TET3: variants seen among roughly 807,000 people sequenced by gnomAD.
TET3 encodes tet methylcytosine dioxygenase 3.
TET3 carries 19 observed loss-of-function variants against 141.4 expected under a neutral mutation model. The observed-to-expected ratio is 0.13, with a 90% CI of 0.09 to 0.20. TET3 has a LOEUF of 0.20. Ranked by LOEUF, TET3 falls within the 10% of genes least tolerant of loss-of-function variation. The probability of loss-of-function intolerance (pLI) is 1.00; values close to 1 mark genes in which losing one functional copy is unlikely to be tolerated. For missense variants in TET3, 1,874 were observed against 2,356.9 expected, an observed-to-expected ratio of 0.80 and a Z score of 4.24; for synonymous variants, 1,043 against 980.9, an observed-to-expected ratio of 1.06 and a Z score of -1.18.
chr2:74,018,622 C>G (rs897803549), intron 3 of TET3, among the ~76,000 whole-genome samples: 1 of 152,166 alleles, frequency 6.6e-6, no homozygotes, highest in African/African-American at 2.4e-5. Flanking sequence ...AGTACTCTTA[C>G]AGTCATGGGT....
intron 6 of TET3, among the ~76,000 whole-genome samples, chr2:74,086,705 C>T (rs957659634): frequency 1.3e-5 from 2 of 148,304 alleles, no homozygotes; most frequent in African/African-American, 2.5e-5. Flanking sequence ...GTGGGAGGAT[C>T]GCTTAAGCCC....
chr2:74,039,651 A>G (rs12995468), intron 3 of TET3, among the ~76,000 whole-genome samples: 39,129 of 152,026 alleles, frequency 0.26, 5,375 homozygotes, highest in African/African-American at 0.29. Context: ...TATGTTCCTT[A>G]ATATTTAGGG....
chr2:73,994,614 T>TTTTCTTTCTTTCTTTC (rs935777591), intron 2 of TET3, among the ~76,000 whole-genome samples: 5 of 143,612 alleles, frequency 3.5e-5, no homozygotes, highest in African/African-American at 1.4e-4. Flanking sequence ...GGTCTATTTT[T>TTTTCTTTCTTTCTTTC]TTTCTTTCTT....
At chr2:74,118,384 C>T in the TET3 span, among the ~76,000 whole-genome samples, 106 of 152,200 alleles carry the variant, frequency 7.0e-4, no homozygotes, top group African/African-American at 2.4e-3. Context: ...TTCAGACAGA[C>T]GATTCATCTT....
chr2:74,020,222 T>G (rs80286777), intron 3 of TET3, among the ~76,000 whole-genome samples: 3,866 of 152,312 alleles, frequency 0.025, 160 homozygotes, highest in African/African-American at 0.087. Flanking sequence ...TCTCACTCTG[T>G]CACCAAACCT....
chr2:74,006,676 G>A (rs1448858508), intron 3 of TET3, among the ~76,000 whole-genome samples: 2 of 152,218 alleles, frequency 1.3e-5, no homozygotes, highest in Admixed American at 1.3e-4. Flanking sequence ...TGGTTTGGCT[G>A]GATGGGGGTG....
At chr2:74,010,692 A>G (rs1685383665) in intron 3 of TET3, among the ~76,000 whole-genome samples, 1 of 152,218 alleles carries the variant, frequency 6.6e-6, no homozygotes, top group African/African-American at 2.4e-5. Flanking sequence ...AGCAGCTGCC[A>G]TATCCAGTTT....
intron 3 of TET3, among the ~76,000 whole-genome samples, chr2:74,006,554 TGAGGAGGG>T (rs1370766631): frequency 7.9e-5 from 12 of 152,154 alleles, no homozygotes; most frequent in Admixed American, 7.9e-4. Flanking sequence ...CTGGGCCTGG[TGAGGAGGG>T]GCCTGGGCAC....
chr2:74,113,383 CA>C, the TET3 span, among the ~76,000 whole-genome samples: 3 of 150,128 alleles, frequency 2.0e-5, no homozygotes, highest in Non-Finnish European at 4.4e-5. Flanking sequence ...GAGACTCCGT[CA>C]AAAAAAAAGA....
chr2:74,090,063 CG>C lies in TET3; in HGVS notation c.3039+20del. On this transcript the variant is annotated intron_variant, in intron 8 of 11. Coordinates refer to ENST00000409262, the MANE Select transcript of TET3 (RefSeq NM_001287491.2). Reference sequence around the variant, plus strand: ...TCCCAAAGAGGTGAGCAGAGCTGGGCGGGGACCCTGCCTCCCATCCTTTCTC... The same window carrying C: ...TCCCAAAGAGGTGAGCAGAGCTGGGCGGGACCCTGCCTCCCATCCTTTCTC... 1 of 1,611,966 alleles carries C rather than the reference CG, an allele frequency of 6.2e-7. No homozygotes were observed. The highest frequency in any genetic ancestry group is 8.5e-7 in the Non-Finnish European group (1 of 1,178,466).
intron 3 of TET3, among the ~76,000 whole-genome samples, chr2:74,031,066 T>C (rs557820486): frequency 4.6e-5 from 7 of 151,866 alleles, no homozygotes; most frequent in Admixed American, 3.9e-4. Context: ...CAAGTGGAAG[T>C]GTGTCTGGTA....
At chr2:74,002,565 G>A in intron 2 of TET3, 1 of 306,350 alleles carries the variant, frequency 3.3e-6, no homozygotes, top group Non-Finnish European at 6.0e-6. Context: ...CGGCTCAGCA[G>A]CACCCTCGGC....
At chr2:74,027,515 C>T (rs1326626516) in intron 3 of TET3, among the ~76,000 whole-genome samples, 1 of 152,080 alleles carries the variant, frequency 6.6e-6, no homozygotes, top group East Asian at 1.9e-4. Context: ...AAATAGCATT[C>T]ACTCCTCTTT....
At chr2:73,997,754 G>A (rs1684666539) in intron 2 of TET3, among the ~76,000 whole-genome samples, 1 of 152,194 alleles carries the variant, frequency 6.6e-6, no homozygotes, top group Admixed American at 6.5e-5. Flanking sequence ...TCTTTGCTGG[G>A]TGCCATACTG....
At chr2:74,006,556 A>C (rs1014888790) in intron 3 of TET3, among the ~76,000 whole-genome samples, 1 of 152,166 alleles carries the variant, frequency 6.6e-6, no homozygotes, top group Non-Finnish European at 1.5e-5. Flanking sequence ...GGGCCTGGTG[A>C]GGAGGGGCCT....
chr2:74,061,830 G>A lies in TET3; in HGVS notation c.2495-11719G>A, dbSNP rs1169367023. Among the ~76,000 whole-genome samples the A allele has an allele frequency of 2.5e-4, 33 of 134,542 alleles. 1 individual carries two copies. Among genetic ancestry groups the A allele is most frequent in the African/African-American group, 9.8e-4 (31 of 31,680 alleles). The allele number at this position is 134,542 out of a possible 152,430, so 88.3% of individuals were successfully genotyped here. A position where few individuals can be genotyped will look rare whatever the true frequency, so the allele number is the denominator to read the frequency against. On this transcript the variant is annotated intron_variant, in intron 4 of 11. Coordinates refer to ENST00000409262, the MANE Select transcript of TET3 (RefSeq NM_001287491.2). ...CTCACATCTCAGACGATGGGCGGCC[G>A]GGCAGAGACGCTCCTCACTTCCTAC...
chr2:73,984,716 G>T (rs1382749285), upstream of TET3, among the ~76,000 whole-genome samples: 1 of 151,454 alleles, frequency 6.6e-6, no homozygotes. The surrounding 1 kb of genome is among the most constrained non-coding windows in gnomAD (Gnocchi z 5.6). Context: ...GCAGAGAAGC[G>T]GCGGCCGGGC....
chr2:74,024,102 A>T (rs1368807752), intron 3 of TET3, among the ~76,000 whole-genome samples: 1 of 152,186 alleles, frequency 6.6e-6, no homozygotes, highest in Non-Finnish European at 1.5e-5. Context: ...TAATCTTTAG[A>T]TATGTAGTTG....
chr2:74,090,422 G>A (rs552254194), intron 8 of TET3, among the ~76,000 whole-genome samples: 96 of 152,334 alleles, frequency 6.3e-4, no homozygotes, highest in Middle Eastern at 3.4e-3. Context: ...CAGGAAAGGC[G>A]GTCTCCCGCA....
Sources: allele counts gnomAD v4.1 joint callset (sites outside exome capture counted in the v4.1 genomes callset), GRCh38; gene constraint gnomAD v4.1.1; non-coding constraint Gnocchi (gnomAD v3.1); transcripts MANE v1.5; gene names NCBI Gene and HGNC (gene_info 2026-07-23, HGNC 2026-07-21).